The following AGBL4 variants were observed in gnomAD, a reference collection of about 807,000 sequenced individuals.
AGBL4 encodes the protein cytosolic carboxypeptidase 6.
Under a neutral mutation model 66.4 loss-of-function variants are expected in AGBL4, and 58 were observed. The ratio of observed to expected loss-of-function variants is 0.87; its 90% CI spans 0.71 to 1.09. AGBL4 has a LOEUF of 1.09. Ranked by LOEUF, AGBL4 falls within the 50% of genes least tolerant of loss-of-function variation. The pLI, the probability that AGBL4 is intolerant of heterozygous loss-of-function variation, is 0.00. For missense variants in AGBL4, 579 were observed against 631.0 expected, an observed-to-expected ratio of 0.92 and a Z score of 0.88; for synonymous variants, 234 against 222.9, an observed-to-expected ratio of 1.05 and a Z score of -0.44.
At chr1:49,468,240 A>G (rs1054140041) in intron 3 of AGBL4, among the ~76,000 whole-genome samples, 2 of 151,820 alleles carry the variant, frequency 1.3e-5, no homozygotes, top group African/African-American at 4.8e-5. Context: ...AAGTAACTGC[A>G]TTTGGAATGT....
At chr1:49,714,123 A>G (rs1647892710) in intron 2 of AGBL4, among the ~76,000 whole-genome samples, 1 of 152,112 alleles carries the variant, frequency 6.6e-6, no homozygotes, top group Non-Finnish European at 1.5e-5. Flanking sequence ...CTGAGAGATT[A>G]AATAATTTAC....
chr1:49,940,566 C>G (rs1443598284), intron 1 of AGBL4, among the ~76,000 whole-genome samples: 2 of 151,872 alleles, frequency 1.3e-5, no homozygotes, highest in African/African-American at 4.8e-5. Flanking sequence ...ATGGATGAAA[C>G]TGGAAATCAT....
At chr1:48,997,771 C>CTA (rs1407673336) in intron 5 of AGBL4, among the ~76,000 whole-genome samples, 2 of 152,172 alleles carry the variant, frequency 1.3e-5, no homozygotes, top group Non-Finnish European at 2.9e-5. Flanking sequence ...CAACCAGACA[C>CTA]TATATATAAG....
intron 5 of AGBL4, among the ~76,000 whole-genome samples, chr1:48,881,947 T>C (rs1570912691): frequency 6.6e-6 from 1 of 152,292 alleles, no homozygotes; most frequent in East Asian, 1.9e-4. Flanking sequence ...CTTTGCCTCA[T>C]GTTCAAAAGG....
rs575583128 is a variant in AGBL4, at chr1:48,565,534, TC to T, written c.1267+21469del. 1.1e-4 allele frequency among the ~76,000 whole-genome samples: 16 copies of T among 152,328 alleles called. No individual in the cohort carries two copies. The South Asian group carries it at 2.9e-3, about 28-fold the overall frequency. On this transcript the variant is annotated intron_variant, in intron 11 of 13. Transcript: ENST00000371839. ...TTGGTTCCTCAACTTCTTGTTTTTT[TC>T]TTTATTCCTCCATTTACTTCTCTTT... is the stretch of plus-strand genomic sequence containing the variant.
intron 3 of AGBL4, among the ~76,000 whole-genome samples, chr1:49,589,935 C>A (rs1475287902): frequency 6.6e-6 from 1 of 152,040 alleles, no homozygotes; most frequent in East Asian, 1.9e-4. Flanking sequence ...GGTAGGCTTA[C>A]TCCTATAGTA....
chr1:49,317,685 C>T (rs1645064201), intron 3 of AGBL4, among the ~76,000 whole-genome samples: 1 of 151,798 alleles, frequency 6.6e-6, no homozygotes, highest in Non-Finnish European at 1.5e-5. Context: ...TCCAAGCAGA[C>T]ATGAAAGAGC....
chr1:49,935,042 C>T (rs752751560), intron 1 of AGBL4, among the ~76,000 whole-genome samples: 3 of 152,322 alleles, frequency 2.0e-5, no homozygotes, highest in South Asian at 4.1e-4. Flanking sequence ...TTGCCTCACT[C>T]GGGAAGTGCA....
chr1:49,405,646 T>G lies in AGBL4; in HGVS notation c.283-159782A>C, dbSNP rs1025379171. Among the ~76,000 whole-genome samples, 25 of 152,126 alleles carry G rather than the reference T, an allele frequency of 1.6e-4. 1 individual carries two copies. Among genetic ancestry groups the G allele is most frequent in the African/African-American group, 6.0e-4 (25 of 41,460 alleles). On this transcript the variant is annotated intron_variant, in intron 3 of 13. Transcript: ENST00000371839. ...ACCACCATCTTCCTTTTCTTCCCTT[T>G]GATGAGGTGTACCTTAGAGACACAA...
intron 6 of AGBL4, chr1:48,761,544 C>T (rs562500011): frequency 3.5e-6 from 5 of 1,418,658 alleles, no homozygotes; most frequent in Non-Finnish European, 4.7e-6. Flanking sequence ...ATGCCCAAAA[C>T]CTCAAATGCT....
chr1:49,055,145 C>T (rs894031578), intron 4 of AGBL4, among the ~76,000 whole-genome samples: 3 of 151,868 alleles, frequency 2.0e-5, no homozygotes, highest in African/African-American at 7.2e-5. Flanking sequence ...TTTGATGAAG[C>T]TCCTATTTTT....
chr1:48,548,555 A>G (rs1569732583), intron 11 of AGBL4, among the ~76,000 whole-genome samples: 1 of 152,250 alleles, frequency 6.6e-6, no homozygotes, highest in East Asian at 1.9e-4. Flanking sequence ...TTCGGCAGAG[A>G]CAAGCCTCAC....
At chr1:48,579,542 C>T (rs1644705129) in intron 11 of AGBL4, among the ~76,000 whole-genome samples, 2 of 151,430 alleles carry the variant, frequency 1.3e-5, no homozygotes, top group East Asian at 3.9e-4. Context: ...CGCCCAGCCC[C>T]ATATTGTTTT....
At chr1:48,607,872 CTCACATTGGACA>C (rs1645176619) in intron 9 of AGBL4, among the ~76,000 whole-genome samples, 1 of 152,202 alleles carries the variant, frequency 6.6e-6, no homozygotes, top group Admixed American at 6.5e-5. Context: ...TGTAAAACAG[CTCACATTGGACA>C]TCATTTAATC....
intron 5 of AGBL4, among the ~76,000 whole-genome samples, chr1:48,884,828 C>T (rs1650151203): frequency 6.6e-6 from 1 of 152,024 alleles, no homozygotes; most frequent in Non-Finnish European, 1.5e-5. Flanking sequence ...AGAACACTGG[C>T]TCCAGTGCTC....
chr1:48,919,038 G>T (rs1437584079), intron 5 of AGBL4, among the ~76,000 whole-genome samples: 4 of 152,152 alleles, frequency 2.6e-5, no homozygotes, highest in African/African-American at 9.7e-5. Flanking sequence ...AAGCCAGGTA[G>T]GCCACTGGAC....
At chr1:49,475,560 G>A (rs1353578639) in intron 3 of AGBL4, among the ~76,000 whole-genome samples, 2 of 151,798 alleles carry the variant, frequency 1.3e-5, no homozygotes, top group East Asian at 3.9e-4. Flanking sequence ...TCTCGTCCAG[G>A]GCTTGTGTTT....
chr1:48,750,795 T>C (rs1452189976), intron 6 of AGBL4, among the ~76,000 whole-genome samples: 6 of 152,182 alleles, frequency 3.9e-5, no homozygotes, highest in African/African-American at 1.4e-4. Context: ...GGTGATTGCA[T>C]GGCAGGGAGA....
At chr1:48,865,926 G>A (rs1374147236) in intron 6 of AGBL4, among the ~76,000 whole-genome samples, 1 of 152,146 alleles carries the variant, frequency 6.6e-6, no homozygotes, top group Non-Finnish European at 1.5e-5. Flanking sequence ...AGTCATGTCA[G>A]CCCAGGATTT....
Sources: gnomAD v4.1 joint callset for allele counts (sites outside exome capture counted in the v4.1 genomes callset) on GRCh38, gnomAD v4.1.1 for gene constraint, MANE v1.5 for transcripts, NCBI Gene and HGNC (gene_info 2026-07-23, HGNC 2026-07-21) for gene names.